Variants in ST6GALNAC3 observed in about 807,000 individuals in gnomAD.
The protein encoded by ST6GALNAC3 is alpha-N-acetylgalactosaminide alpha-2,6-sialyltransferase 3.
Under a neutral mutation model 32.7 loss-of-function variants are expected in ST6GALNAC3, and 25 were observed. The observed-to-expected ratio is 0.76, with a 90% CI of 0.56 to 1.07. The LOEUF is 1.07. Ranked by LOEUF, ST6GALNAC3 falls within the 50% of genes least tolerant of loss-of-function variation. The pLI is 0.00. For synonymous variants in ST6GALNAC3, 129 were observed against 133.1 expected, an observed-to-expected ratio of 0.97 and a Z score of 0.21; for missense variants, 355 against 382.4, an observed-to-expected ratio of 0.93 and a Z score of 0.60.
chr1:76,096,743 T>C (rs1571140487), intron 1 of ST6GALNAC3, among the ~76,000 whole-genome samples: 1 of 137,962 alleles, frequency 7.2e-6, no homozygotes, highest in South Asian at 2.1e-4. Flanking sequence ...AAACAGTCCT[T>C]CTCCCCACTT....
chr1:76,195,265 A>G (rs565604437), intron 1 of ST6GALNAC3, among the ~76,000 whole-genome samples: 11 of 152,330 alleles, frequency 7.2e-5, no homozygotes, highest in South Asian at 6.2e-4. Flanking sequence ...TTACTTGGTT[A>G]ATTTTCCTTT....
intron 3 of ST6GALNAC3, among the ~76,000 whole-genome samples, chr1:76,541,978 C>CT (rs1215970014): frequency 6.6e-6 from 1 of 152,114 alleles, no homozygotes; most frequent in East Asian, 1.9e-4. Context: ...ATCAGTGGTA[C>CT]TTTTTAAAAA....
At position 76,457,027 on chromosome 1, in the gene ST6GALNAC3, A is replaced by G. The variant is rs369432692; in HGVS notation, c.623+44610A>G. Among the ~76,000 whole-genome samples the G allele has an allele frequency of 1.4e-4, 21 of 151,376 alleles. No individual in the cohort carries two copies. In the East Asian group the frequency reaches 1.6e-3, roughly 11 times the overall value. On this transcript the variant is annotated intron_variant, in intron 3 of 4. Coordinates refer to ENST00000328299, the MANE Select transcript of ST6GALNAC3 (RefSeq NM_152996.4). ...AAGTCTCAGGATACAAAATCAATGTACAAAAATCACAAGCATTCTTATACA... is the reference window on the plus strand; with the variant it reads ...AAGTCTCAGGATACAAAATCAATGTGCAAAAATCACAAGCATTCTTATACA...
chr1:76,247,608 G>A (rs1657346774), intron 1 of ST6GALNAC3, among the ~76,000 whole-genome samples: 1 of 152,074 alleles, frequency 6.6e-6, no homozygotes. Context: ...ACCTTCCAGT[G>A]CCCTTAGCAC....
intron 3 of ST6GALNAC3, chr1:76,577,062 A>T: frequency 8.8e-7 from 1 of 1,142,318 alleles, no homozygotes; most frequent in Non-Finnish European, 1.1e-6. Context: ...GACTTGCTGC[A>T]TAATTATTCA....
At chr1:76,390,127 A>T (rs1263312721) in intron 2 of ST6GALNAC3, among the ~76,000 whole-genome samples, 1 of 151,912 alleles carries the variant, frequency 6.6e-6, no homozygotes, top group Non-Finnish European at 1.5e-5. Flanking sequence ...ATGATTTATT[A>T]TTTATGTTTG....
chr1:76,238,948 C>CG (rs1398463270), intron 1 of ST6GALNAC3, among the ~76,000 whole-genome samples: 2 of 131,286 alleles, frequency 1.5e-5, no homozygotes, highest in Non-Finnish European at 3.2e-5. Context: ...TCCCACTAAC[C>CG]TTTTTTTTTT....
chr1:76,589,005 A>G (rs979759826), intron 3 of ST6GALNAC3, among the ~76,000 whole-genome samples: 3 of 152,168 alleles, frequency 2.0e-5, no homozygotes, highest in African/African-American at 7.2e-5. Flanking sequence ...AAGCACTTAG[A>G]GTAGTTTTTA....
intron 1 of ST6GALNAC3, among the ~76,000 whole-genome samples, chr1:76,292,519 T>C (rs1295306758): frequency 6.6e-6 from 1 of 152,200 alleles, no homozygotes; most frequent in Admixed American, 6.5e-5. Flanking sequence ...ACACTTGGTG[T>C]ATAAGTACCA....
At chr1:76,133,705 C>A (rs2100239201) in intron 1 of ST6GALNAC3, among the ~76,000 whole-genome samples, 1 of 152,342 alleles carries the variant, frequency 6.6e-6, no homozygotes, top group African/African-American at 2.4e-5. Flanking sequence ...GAAGATCCAG[C>A]TGCTGATCTC....
chr1:76,110,612 G>C (rs1159527629), intron 1 of ST6GALNAC3, among the ~76,000 whole-genome samples: 1 of 152,232 alleles, frequency 6.6e-6, no homozygotes, highest in Non-Finnish European at 1.5e-5. Flanking sequence ...TGCTAGACCT[G>C]ACAGTCCAAG....
chr1:76,434,136 C>A (rs1487239738), intron 3 of ST6GALNAC3, among the ~76,000 whole-genome samples: 2 of 152,144 alleles, frequency 1.3e-5, no homozygotes, highest in African/African-American at 4.8e-5. Flanking sequence ...TGCAGCCCCC[C>A]AGATTTTCTT....
At chr1:76,503,590 G>A (rs1236673320) in intron 3 of ST6GALNAC3, among the ~76,000 whole-genome samples, 1 of 152,194 alleles carries the variant, frequency 6.6e-6, no homozygotes, top group East Asian at 1.9e-4. Flanking sequence ...CACAAAGTGG[G>A]TAGTCTAATA....
At chr1:76,283,148 C>T (rs1013500899) in intron 1 of ST6GALNAC3, among the ~76,000 whole-genome samples, 5 of 152,110 alleles carry the variant, frequency 3.3e-5, no homozygotes, top group South Asian at 2.1e-4. Context: ...AAGAGTGCTC[C>T]GGAACAATGG....
intron 3 of ST6GALNAC3, among the ~76,000 whole-genome samples, chr1:76,482,789 A>T (rs1306988045): frequency 6.6e-6 from 1 of 151,912 alleles, no homozygotes; most frequent in Non-Finnish European, 1.5e-5. Flanking sequence ...GGTTTGTTAC[A>T]TATGTATACA....
chr1:76,531,411 C>T (rs1325210047), intron 3 of ST6GALNAC3, among the ~76,000 whole-genome samples: 1 of 152,192 alleles, frequency 6.6e-6, no homozygotes, highest in Non-Finnish European at 1.5e-5. Flanking sequence ...AATGTATCAA[C>T]TGTGCATACT....
chr1:76,120,159 A>G (rs542776296), intron 1 of ST6GALNAC3, among the ~76,000 whole-genome samples: 105 of 152,366 alleles, frequency 6.9e-4, no homozygotes, highest in Non-Finnish European at 1.1e-3. Flanking sequence ...CATCCCCATC[A>G]CTTGGCTGTT....
chr1:76,132,509 C>T (rs1649676307), intron 1 of ST6GALNAC3, among the ~76,000 whole-genome samples: 1 of 152,166 alleles, frequency 6.6e-6, no homozygotes, highest in African/African-American at 2.4e-5. Flanking sequence ...GGACAAAGGT[C>T]TTCAGTGGAG....
At chr1:76,301,848 T>C (rs1345412662) in intron 1 of ST6GALNAC3, among the ~76,000 whole-genome samples, 1 of 152,002 alleles carries the variant, frequency 6.6e-6, no homozygotes, top group Non-Finnish European at 1.5e-5. Context: ...TTTTTTTTTT[T>C]TCCACAGGTG....
Sources: gnomAD v4.1 joint callset for allele counts (sites outside exome capture counted in the v4.1 genomes callset) on GRCh38, gnomAD v4.1.1 for gene constraint, MANE v1.5 for transcripts, NCBI Gene and HGNC (gene_info 2026-07-23, HGNC 2026-07-21) for gene names.